Variants in DPYSL2 observed in about 807,000 individuals in gnomAD.
The protein encoded by DPYSL2 is dihydropyrimidinase like 2, also known as dihydropyrimidinase-related protein 2.
In DPYSL2, 13 loss-of-function variants were observed where a neutral mutation model predicts 69.9. That is an observed-to-expected ratio of 0.19 (90% confidence interval 0.12 to 0.30). DPYSL2 has a LOEUF of 0.30. Ranked by LOEUF, DPYSL2 falls within the 10% of genes least tolerant of loss-of-function variation. DPYSL2 has a pLI of 1.00. For synonymous variants in DPYSL2, 326 were observed against 359.1 expected, an observed-to-expected ratio of 0.91 and a Z score of 1.04; for missense variants, 587 against 918.9, an observed-to-expected ratio of 0.64 and a Z score of 4.67.
intron 1 of DPYSL2, among the ~76,000 whole-genome samples, chr8:26,556,063 A>G (rs1800944671): frequency 1.3e-5 from 1 of 79,680 alleles, no homozygotes; most frequent in South Asian, 3.3e-4. Context: ...TATATAAATT[A>G]TGTATATACT....
At chr8:26,635,766 C>T (rs1459213290) in intron 8 of DPYSL2, among the ~76,000 whole-genome samples, 1 of 152,134 alleles carries the variant, frequency 6.6e-6, no homozygotes, top group Non-Finnish European at 1.5e-5. Flanking sequence ...CTCCACTTCT[C>T]TTCCCTTCTT....
intron 1 of DPYSL2, among the ~76,000 whole-genome samples, chr8:26,566,664 T>C (rs424138): frequency 0.78 from 118,406 of 151,988 alleles, 46,385 homozygotes; most frequent in East Asian, 0.98. Context: ...CCACAGTCCT[T>C]CTAGAAACTT....
At position 26,643,738 on chromosome 8, in the gene DPYSL2, T is replaced by A; in HGVS notation, c.1283+143T>A. The stretch of plus-strand genomic sequence containing the variant: ...CACCAAACTAGGTTGGCTACATGAG[T>A]ACAGGGAATTGTCATTCTAGCACCA... On this transcript the variant is annotated intron_variant, in intron 9 of 13. Coordinates refer to ENST00000521913, the MANE Select transcript of DPYSL2 (RefSeq NM_001197293.3). The surrounding 1 kb of genome is among the most constrained non-coding windows in gnomAD (Gnocchi z 6.5). 7.7e-7 allele frequency: 1 copy of A among 1,298,876 alleles called. No homozygotes were observed. The highest frequency in any genetic ancestry group is 1.1e-6 in the Non-Finnish European group (1 of 934,610). 80.5% of individuals were successfully genotyped at this position (1,298,876 alleles called of 1,614,324 possible). A position where few individuals can be genotyped will look rare whatever the true frequency, so the allele number is the denominator to read the frequency against.
rs10088957 is a variant in DPYSL2 at position 26,641,602 on chromosome 8, A to G, written c.1127-1837A>G. Among the ~76,000 whole-genome samples the G allele has an allele frequency of 0.21, 31,683 of 152,242 alleles. 3,515 individuals carry two copies. The highest frequency in any genetic ancestry group is 0.3 in the South Asian group (1,425 of 4,826). ...ATGAACCGGAGTGGTTTGTGCAGCC[A>G]CCTGATAGCTCTTTGCACCAGCTTC... On this transcript the variant is annotated intron_variant, in intron 8 of 13. Transcript: ENST00000521913. This position sits in a 1 kb window ranked among gnomAD's most constrained non-coding sequence, Gnocchi z 4.1.
At position 26,654,198 on chromosome 8, in the gene DPYSL2, A is replaced by G. The variant is rs766086405; in HGVS notation, c.1942+801A>G. 6.6e-6 allele frequency among the ~76,000 whole-genome samples: 1 copy of G among 152,108 alleles called. No individual in the cohort carries two copies. The highest frequency in any genetic ancestry group is 6.6e-5 in the Admixed American group (1 of 15,266). On this transcript the variant is annotated intron_variant, in intron 13 of 13. Transcript: ENST00000521913. The surrounding 1 kb of genome is among the most constrained non-coding windows in gnomAD (Gnocchi z 5.0). ...GTGAGGGTTAAATGGGTTAATATAT[A>G]TGTACAGTGCTTAGAATGGGGCCAT...
chr8:26,632,092 T>C (rs1485856211), intron 7 of DPYSL2, among the ~76,000 whole-genome samples: 3 of 152,174 alleles, frequency 2.0e-5, no homozygotes, highest in East Asian at 3.9e-4. Flanking sequence ...CCTAACCCAC[T>C]AGGCCTTTCT....
chr8:26,552,992 A>T (rs2117638333), intron 1 of DPYSL2, among the ~76,000 whole-genome samples: 1 of 152,326 alleles, frequency 6.6e-6, no homozygotes, highest in South Asian at 2.1e-4. Context: ...GATCCCATGG[A>T]CATGAAAAGG....
intron 1 of DPYSL2, among the ~76,000 whole-genome samples, chr8:26,532,607 C>T (rs1424449042): frequency 6.6e-6 from 1 of 152,178 alleles, no homozygotes; most frequent in Non-Finnish European, 1.5e-5. Context: ...ATTTTATATA[C>T]ATGGAAACAT....
chr8:26,573,340 T>C (rs925713578), intron 1 of DPYSL2, among the ~76,000 whole-genome samples: 2 of 151,486 alleles, frequency 1.3e-5, no homozygotes, highest in East Asian at 1.9e-4. Flanking sequence ...CTGGCCAATA[T>C]GGTGAAACCC....
rs542879837 is a variant in DPYSL2, at chr8:26,647,316, A to C, written c.1426-314A>C. The stretch of plus-strand genomic sequence containing the variant: ...GTGGAGTCATGTGACCATCACCACA[A>C]TCAAGATGCAGGTCTAGTCCAGCAT... On this transcript the variant is annotated intron_variant, in intron 10 of 13. Coordinates refer to ENST00000521913, the MANE Select transcript of DPYSL2 (RefSeq NM_001197293.3). The surrounding 1 kb of genome is among the most constrained non-coding windows in gnomAD (Gnocchi z 5.1). 7.9e-5 allele frequency among the ~76,000 whole-genome samples: 12 copies of C among 152,304 alleles called. No individual in the cohort carries two copies. Among genetic ancestry groups the C allele is most frequent in the African/African-American group, 2.9e-4 (12 of 41,562 alleles).
At chr8:26,578,200 G>T in intron 1 of DPYSL2, 1 of 1,611,458 alleles carries the variant, frequency 6.2e-7, no homozygotes, top group South Asian at 1.1e-5. Flanking sequence ...TCCCCTTCCC[G>T]GCAGTTTTTG....
intron 1 of DPYSL2, among the ~76,000 whole-genome samples, chr8:26,524,261 G>A (rs988452972): frequency 1.4e-5 from 2 of 146,500 alleles, no homozygotes; most frequent in African/African-American, 5.5e-5. Flanking sequence ...TTGTGGTTTT[G>A]TCTCATTGTT....
At chr8:26,645,466 T>A (rs986585589) in intron 10 of DPYSL2, among the ~76,000 whole-genome samples, 26 of 152,082 alleles carry the variant, frequency 1.7e-4, no homozygotes, top group African/African-American at 3.4e-4. Flanking sequence ...TTAAAAAAAA[T>A]TTTATCATGG....
intron 1 of DPYSL2, among the ~76,000 whole-genome samples, chr8:26,515,642 C>T (rs1337456228): frequency 1.3e-5 from 2 of 152,200 alleles, no homozygotes; most frequent in Non-Finnish European, 2.9e-5. Context: ...CACCACAATT[C>T]TTTCTTTATC....
rs1803432085 is a variant in DPYSL2 at position 26,658,014 on chromosome 8, A to T, written c.*2308A>T. The stretch of plus-strand genomic sequence containing the variant: ...TGAGTGGAGGAACTTTCAGTTCTAA[A>T]GCTGATAAAGTGTGTAGCCAGAAGA... On this transcript the variant is annotated 3_prime_UTR_variant, in exon 14 of 14. Transcript: ENST00000521913. The surrounding 1 kb of genome is among the most constrained non-coding windows in gnomAD (Gnocchi z 4.7). 1 of 152,638 alleles carries T rather than the reference A, an allele frequency of 6.6e-6. No individual in the cohort carries two copies. The highest frequency in any genetic ancestry group is 1.5e-5 in the Non-Finnish European group (1 of 68,022). 9.5% of individuals were successfully genotyped at this position (152,638 alleles called of 1,614,324 possible). A position where few individuals can be genotyped will look rare whatever the true frequency, so the allele number is the denominator to read the frequency against.
At position 26,621,412 on chromosome 8, in the gene DPYSL2, G is replaced by T. The variant is rs546276861; in HGVS notation, c.629-2731G>T. On this transcript the variant is annotated intron_variant, in intron 3 of 13. Transcript: ENST00000521913. This position sits in a 1 kb window ranked among gnomAD's most constrained non-coding sequence, Gnocchi z 4.9. Reference sequence around the variant, plus strand: ...AGTGTTGAGGGGAGGGGTCTTTGCCGCAGCAAAAGCTGGTCCGGTTCCCAG... The same window carrying T: ...AGTGTTGAGGGGAGGGGTCTTTGCCTCAGCAAAAGCTGGTCCGGTTCCCAG... Among the ~76,000 whole-genome samples the T allele has an allele frequency of 6.6e-6, 1 of 152,152 alleles. No individual in the cohort carries two copies. The highest frequency in any genetic ancestry group is 1.9e-4 in the East Asian group (1 of 5,184).
intron 8 of DPYSL2, 61 bp downstream of exon 8, chr8:26,634,961 C>A: frequency 6.2e-7 from 1 of 1,602,780 alleles, no homozygotes; most frequent in Non-Finnish European, 8.5e-7. Context: ...GAGGGGGGCT[C>A]CTCACTAGGG....
In DPYSL2 at chr8:26,605,543, C is replaced by T. The variant is rs1802088955; in HGVS notation, c.629-18600C>T. On this transcript the variant is annotated intron_variant, in intron 3 of 13. Transcript: ENST00000521913. This position sits in a 1 kb window ranked among gnomAD's most constrained non-coding sequence, Gnocchi z 4.1. ...TGACCTCAAGTGCCTGCCTCAGCCTCCCTAAGTGATTATTACTATTTTTAG... is the reference window on the plus strand; with the variant it reads ...TGACCTCAAGTGCCTGCCTCAGCCTTCCTAAGTGATTATTACTATTTTTAG... Among the ~76,000 whole-genome samples the T allele has an allele frequency of 6.6e-6, 1 of 152,038 alleles. No individual in the cohort carries two copies. The highest frequency in any genetic ancestry group is 1.9e-4 in the East Asian group (1 of 5,186).
intron 1 of DPYSL2, among the ~76,000 whole-genome samples, chr8:26,546,900 C>T (rs116070300): frequency 0.13 from 13,755 of 109,848 alleles, 821 homozygotes; most frequent in Middle Eastern, 0.19. Flanking sequence ...CCAGCCTGGG[C>T]GACTGAGGGA....
Sources: allele counts gnomAD v4.1 joint callset (sites outside exome capture counted in the v4.1 genomes callset), GRCh38; gene constraint gnomAD v4.1.1; non-coding constraint Gnocchi (gnomAD v3.1); transcripts MANE v1.5; gene names NCBI Gene and HGNC (gene_info 2026-07-23, HGNC 2026-07-21).